The following TAFA5 variants were observed in gnomAD, a reference collection of about 807,000 sequenced individuals.
TAFA5 encodes the protein TAFA chemokine like family member 5.
TAFA5 carries 6 observed loss-of-function variants against 15.3 expected under a neutral mutation model. The observed-to-expected ratio is 0.39, with a 90% confidence interval of 0.21 to 0.77. The LOEUF is 0.77. Among genes scored for constraint, TAFA5 ranks in the 30% least tolerant of loss-of-function variants. TAFA5 has a pLI of 0.41. For synonymous variants in TAFA5, 103 were observed against 80.7 expected, an observed-to-expected ratio of 1.28 and a Z score of -1.48; for missense variants, 161 against 193.1, an observed-to-expected ratio of 0.83 and a Z score of 0.98.
intron 1 of TAFA5, among the ~76,000 whole-genome samples, chr22:48,600,363 C>A (rs140516892): frequency 6.6e-6 from 1 of 152,188 alleles, no homozygotes; most frequent in Non-Finnish European, 1.5e-5. Flanking sequence ...CTCCTACTTG[C>A]GCAGGTCCAG....
At chr22:48,558,778 G>A (rs1021091039) in intron 1 of TAFA5, among the ~76,000 whole-genome samples, 2 of 152,334 alleles carry the variant, frequency 1.3e-5, no homozygotes. Flanking sequence ...TGCCACAGAG[G>A]GCTGGTGGTT....
At chr22:48,499,986 C>T (rs1162193313) in intron 1 of TAFA5, among the ~76,000 whole-genome samples, 1 of 152,272 alleles carries the variant, frequency 6.6e-6, no homozygotes, top group East Asian at 1.9e-4. Flanking sequence ...TATCCTCAGA[C>T]TCCATGTGTC....
chr22:48,659,420 TCTC>T (rs1927356057), intron 2 of TAFA5, among the ~76,000 whole-genome samples: 1 of 152,130 alleles, frequency 6.6e-6, no homozygotes, highest in Non-Finnish European at 1.5e-5. Context: ...ATGGTCACAT[TCTC>T]CTCAGGGGGT....
chr22:48,673,530 A>G (rs1927868083), intron 2 of TAFA5, among the ~76,000 whole-genome samples: 1 of 152,162 alleles, frequency 6.6e-6, no homozygotes. Context: ...TCTGCTGGCC[A>G]GGAAGAGGCC....
chr22:48,738,147 C>T (rs564160413), intron 3 of TAFA5, among the ~76,000 whole-genome samples: 4 of 152,170 alleles, frequency 2.6e-5, no homozygotes, highest in African/African-American at 2.4e-5. Context: ...AAATTTCCTT[C>T]TTGAGCAGGG....
At chr22:48,661,962 G>A (rs1478348193) in intron 2 of TAFA5, among the ~76,000 whole-genome samples, 2 of 145,902 alleles carry the variant, frequency 1.4e-5, no homozygotes, top group African/African-American at 2.6e-5. Flanking sequence ...GGGCTCATTG[G>A]GGTGCCCACT....
chr22:48,567,380 A>G (rs1372137406), intron 1 of TAFA5, among the ~76,000 whole-genome samples: 1 of 152,230 alleles, frequency 6.6e-6, no homozygotes, highest in Non-Finnish European at 1.5e-5. Context: ...TTATTAGGAA[A>G]TGCTTTAAAA....
At chr22:48,549,928 G>T (rs1037731224) in intron 1 of TAFA5, among the ~76,000 whole-genome samples, 1 of 152,236 alleles carries the variant, frequency 6.6e-6, no homozygotes, top group African/African-American at 2.4e-5. Flanking sequence ...TTGCCAGCTT[G>T]CTCTGCACCA....
At chr22:48,544,779 C>G (rs1409044153) in intron 1 of TAFA5, 1 of 471,158 alleles carries the variant, frequency 2.1e-6, no homozygotes, top group Non-Finnish European at 4.4e-6. Flanking sequence ...TGAGTTCTGG[C>G]TGTTACCACG....
At chr22:48,554,326 A>C (rs945930725) in intron 1 of TAFA5, among the ~76,000 whole-genome samples, 4 of 152,186 alleles carry the variant, frequency 2.6e-5, no homozygotes, top group Non-Finnish European at 5.9e-5. Flanking sequence ...CAACATTGAC[A>C]ATGAAGCTTT....
At chr22:48,613,941 G>A (rs1034422094) in intron 1 of TAFA5, among the ~76,000 whole-genome samples, 7 of 152,176 alleles carry the variant, frequency 4.6e-5, no homozygotes, top group South Asian at 4.1e-4. Context: ...CCCTCAGCCC[G>A]CTTCCCACCA....
At chr22:48,535,687 T>G (rs116645819) in intron 1 of TAFA5, among the ~76,000 whole-genome samples, 2,209 of 149,020 alleles carry the variant, frequency 0.015, 52 homozygotes, top group African/African-American at 0.052. Flanking sequence ...TATGCATATA[T>G]GTAGGTGCAA....
At chr22:48,584,169 C>T (rs1036554158) in intron 1 of TAFA5, among the ~76,000 whole-genome samples, 1 of 149,140 alleles carries the variant, frequency 6.7e-6, no homozygotes, top group African/African-American at 2.5e-5. Context: ...ACATCATACA[C>T]ACACCACACA....
chr22:48,678,769 A>G lies in TAFA5; in HGVS notation c.263-28948A>G, dbSNP rs577272135. Reference sequence around the variant, plus strand: ...AAACGGAAAAACAAAGTTAAAAAAAAAAAATGCTGGTGTGTACATTTGTGT... The same window carrying G: ...AAACGGAAAAACAAAGTTAAAAAAAGAAAATGCTGGTGTGTACATTTGTGT... On this transcript the variant is annotated intron_variant, in intron 2 of 3. Coordinates refer to ENST00000402357, the MANE Select transcript of TAFA5 (RefSeq NM_001082967.3). Among the ~76,000 whole-genome samples, 361 of 152,286 alleles carry G rather than the reference A, an allele frequency of 2.4e-3. 2 individuals carry two copies. Among genetic ancestry groups the G allele is most frequent in the African/African-American group, 8.4e-3 (350 of 41,558 alleles).
At chr22:48,668,893 ATGAAAGGGCAGGACCAAGCTGTC>A (rs1001150469) in intron 2 of TAFA5, among the ~76,000 whole-genome samples, 15 of 152,184 alleles carry the variant, frequency 9.9e-5, no homozygotes, top group Admixed American at 5.2e-4. Flanking sequence ...ATTAATGAAG[ATGAAAGGGCAGGACCAAGCTGTC>A]TGAACGGGCA....
intron 2 of TAFA5, among the ~76,000 whole-genome samples, chr22:48,691,789 C>T (rs1049904619): frequency 6.6e-6 from 1 of 152,212 alleles, no homozygotes; most frequent in Non-Finnish European, 1.5e-5. Flanking sequence ...AGGCGGCTGA[C>T]GTTGAGTCTC....
intron 3 of TAFA5, among the ~76,000 whole-genome samples, chr22:48,744,236 G>A (rs923287660): frequency 5.3e-5 from 8 of 152,206 alleles, no homozygotes; most frequent in Non-Finnish European, 1.0e-4. Context: ...CAAGGAGACC[G>A]AGGGGAGCTC....
Position 48,750,117 on chromosome 22 carries a change from A to T in TAFA5, c.*270A>T. On this transcript the variant is annotated 3_prime_UTR_variant, in exon 4 of 4. Transcript: ENST00000402357. Reference sequence around the variant, plus strand: ...AGTCTGTGGGAGCCCGGCCGCGCCCAGCCCCCGCCGACCGTGGCGTTGGCC... The same window carrying T: ...AGTCTGTGGGAGCCCGGCCGCGCCCTGCCCCCGCCGACCGTGGCGTTGGCC... 2.0e-6 allele frequency: 1 copy of T among 512,204 alleles called. No individual in the cohort carries two copies. Among genetic ancestry groups the T allele is most frequent in the Non-Finnish European group, 3.5e-6 (1 of 285,290 alleles). The allele number at this position is 512,204 out of a possible 1,614,324, so 31.7% of individuals were successfully genotyped here.
chr22:48,611,365 A>G (rs1925403974), intron 1 of TAFA5, among the ~76,000 whole-genome samples: 1 of 151,988 alleles, frequency 6.6e-6, no homozygotes, highest in Non-Finnish European at 1.5e-5. Context: ...CAGATTATTC[A>G]TTTTGTTATT....
Sources: gnomAD v4.1 joint callset for allele counts (sites outside exome capture counted in the v4.1 genomes callset) on GRCh38, gnomAD v4.1.1 for gene constraint, MANE v1.5 for transcripts, NCBI Gene and HGNC (gene_info 2026-07-23, HGNC 2026-07-21) for gene names.